The following GRM7 variants were observed in gnomAD, a reference collection of about 807,000 sequenced individuals.
GRM7 encodes the protein metabotropic glutamate receptor 7.
A neutral mutation model predicts 84.5 loss-of-function variants in GRM7; 35 were observed. The ratio of observed to expected loss-of-function variants is 0.41; its 90% CI spans 0.32 to 0.55. The LOEUF (loss-of-function observed/expected upper bound fraction) is 0.55. Ranked by LOEUF, GRM7 falls within the 20% of genes least tolerant of loss-of-function variation. The probability of loss-of-function intolerance (pLI) is 0.19; values close to 1 mark genes in which losing one functional copy is unlikely to be tolerated. For missense variants in GRM7, 1,003 were observed against 1,194.6 expected (o/e 0.84, Z 2.36); for synonymous variants, 487 against 455.1 (o/e 1.07, Z -0.89).
At chr3:7,592,370 TA>T (rs1004069414) in intron 8 of GRM7, among the ~76,000 whole-genome samples, 6 of 152,104 alleles carry the variant, frequency 3.9e-5, no homozygotes, top group African/African-American at 7.2e-5. Context: ...AACAAAGACA[TA>T]AAGAAGCAAA....
At chr3:7,564,392 G>C (rs1204019550) in intron 7 of GRM7, among the ~76,000 whole-genome samples, 1 of 152,122 alleles carries the variant, frequency 6.6e-6, no homozygotes, top group Non-Finnish European at 1.5e-5. Flanking sequence ...GCTAGGATTT[G>C]AACCCGTGAT....
At chr3:7,538,665 G>T (rs1692695604) in intron 7 of GRM7, among the ~76,000 whole-genome samples, 1 of 152,062 alleles carries the variant, frequency 6.6e-6, no homozygotes, top group African/African-American at 2.4e-5. Flanking sequence ...CCTGCAAGTT[G>T]TCTGAGTATT....
chr3:6,897,945 G>A (rs1184682703), intron 1 of GRM7, among the ~76,000 whole-genome samples: 1 of 152,144 alleles, frequency 6.6e-6, no homozygotes, highest in Non-Finnish European at 1.5e-5. Context: ...GTTGAGGGAT[G>A]CCGCCATCCA....
In GRM7 at chr3:7,395,251, T is replaced by A. The variant is rs150437576; in HGVS notation, c.1034-19772T>A. On this transcript the variant is annotated intron_variant, in intron 4 of 9. Transcript: ENST00000357716. ...ATGTATTCACCAAATTGTATCTATG[T>A]ATTCACATGTATCTATGATGATGTA... Among the ~76,000 whole-genome samples, 704 of 152,314 alleles carry A rather than the reference T, an allele frequency of 4.6e-3. 5 individuals are homozygous for A. The highest frequency in any genetic ancestry group is 0.017 in the African/African-American group (687 of 41,562).
intron 9 of GRM7, among the ~76,000 whole-genome samples, chr3:7,693,244 C>G (rs991011973): frequency 6.6e-6 from 1 of 152,126 alleles, no homozygotes; most frequent in Non-Finnish European, 1.5e-5. Flanking sequence ...TAAAAAGACT[C>G]ACCTCTGCTT....
intron 2 of GRM7, among the ~76,000 whole-genome samples, chr3:7,280,947 C>G (rs1699232794): frequency 6.6e-6 from 1 of 152,014 alleles, no homozygotes; most frequent in South Asian, 2.1e-4. Context: ...GCATGTGTTT[C>G]TAGGGATTTT....
chr3:7,232,375 T>C (rs1697220812), intron 2 of GRM7, among the ~76,000 whole-genome samples: 1 of 152,164 alleles, frequency 6.6e-6, no homozygotes, highest in Non-Finnish European at 1.5e-5. Context: ...GGAGTTGAGA[T>C]ACCATAAAGA....
At chr3:7,643,287 T>G (rs1395832248) in intron 8 of GRM7, among the ~76,000 whole-genome samples, 1 of 43,164 alleles carries the variant, frequency 2.3e-5, no homozygotes, top group African/African-American at 1.3e-4. Flanking sequence ...GGTTGCAACT[T>G]CAGTATTCAC....
At chr3:7,266,516 A>C (rs1185483968) in intron 2 of GRM7, among the ~76,000 whole-genome samples, 1 of 152,234 alleles carries the variant, frequency 6.6e-6, no homozygotes, top group African/African-American at 2.4e-5. Flanking sequence ...AATTACATGC[A>C]ACAAACAAAT....
At chr3:7,528,889 T>A (rs1700917603) in intron 7 of GRM7, among the ~76,000 whole-genome samples, 1 of 152,088 alleles carries the variant, frequency 6.6e-6, no homozygotes, top group African/African-American at 2.4e-5. Context: ...ATGCTTGGTA[T>A]GATTTAGTTT....
chr3:7,300,134 A>T (rs1331641010), intron 3 of GRM7, among the ~76,000 whole-genome samples: 1 of 152,254 alleles, frequency 6.6e-6, no homozygotes, highest in South Asian at 2.1e-4. Flanking sequence ...AGAGCTGTTT[A>T]TGTGTGTTTT....
chr3:7,503,282 A>G lies in GRM7; in HGVS notation c.1515+41560A>G, dbSNP rs181360555. Among the ~76,000 whole-genome samples the G allele has an allele frequency of 2.7e-3, 408 of 152,242 alleles. 2 individuals carry two copies. Among genetic ancestry groups the G allele is most frequent in the Admixed American group, 6.3e-3 (97 of 15,286 alleles). The stretch of plus-strand genomic sequence containing the variant: ...TTTCTCCTCTTTGTTTTCCTCTGTC[A>G]TATCTCTCCTTTCCAGATTCTTAGT... On this transcript the variant is annotated intron_variant, in intron 7 of 9. Coordinates refer to ENST00000357716, the MANE Select transcript of GRM7 (RefSeq NM_000844.4).
chr3:7,398,278 A>G (rs142230406), intron 4 of GRM7, among the ~76,000 whole-genome samples: 178 of 152,332 alleles, frequency 1.2e-3, no homozygotes, highest in African/African-American at 4.0e-3. Flanking sequence ...CGCATGTGGC[A>G]GTGAACAGTT....
At chr3:7,269,471 T>C (rs1465256382) in intron 2 of GRM7, among the ~76,000 whole-genome samples, 4 of 152,138 alleles carry the variant, frequency 2.6e-5, no homozygotes, top group African/African-American at 4.8e-5. Context: ...CATGTTTAAT[T>C]GCTCTGGGTT....
intron 2 of GRM7, among the ~76,000 whole-genome samples, chr3:7,253,012 TAAAAAAAAAAAA>T (rs539835390): frequency 1.4e-5 from 1 of 70,796 alleles, no homozygotes; most frequent in Non-Finnish European, 2.4e-5. Flanking sequence ...TGGCTTTTCT[TAAAAAAAAAAAA>T]AAAAAAAAAA....
At chr3:7,192,014 C>A (rs1170956593) in intron 2 of GRM7, among the ~76,000 whole-genome samples, 2 of 152,090 alleles carry the variant, frequency 1.3e-5, no homozygotes, top group Admixed American at 6.6e-5. Context: ...CTCTTGTGAA[C>A]AGTACAGATT....
chr3:7,519,044 T>G (rs1247688758), intron 7 of GRM7, among the ~76,000 whole-genome samples: 1 of 152,218 alleles, frequency 6.6e-6, no homozygotes, highest in Non-Finnish European at 1.5e-5. Flanking sequence ...ATTTTGCATT[T>G]GAGGAAATTG....
At chr3:7,000,097 A>G (rs969255644) in intron 1 of GRM7, among the ~76,000 whole-genome samples, 2 of 151,692 alleles carry the variant, frequency 1.3e-5, no homozygotes, top group Admixed American at 6.6e-5. Flanking sequence ...TTGTTCTCTC[A>G]TGCTAAAGTT....
intron 1 of GRM7, among the ~76,000 whole-genome samples, chr3:7,035,823 A>G (rs1240432): frequency 0.044 from 6,665 of 152,294 alleles, 362 homozygotes; most frequent in African/African-American, 0.13. Context: ...CTCAGCCCCC[A>G]TGTCTTAGAA....
Sources: allele counts gnomAD v4.1 joint callset (sites outside exome capture counted in the v4.1 genomes callset), GRCh38; gene constraint gnomAD v4.1.1; transcripts MANE v1.5; gene names NCBI Gene and HGNC (gene_info 2026-07-23, HGNC 2026-07-21).